KRT84: variants seen among roughly 807,000 people sequenced by gnomAD.
The protein encoded by KRT84 is keratin, type II cuticular Hb4.
In KRT84, 38 loss-of-function variants were observed where a neutral mutation model predicts 49.0. The ratio of observed to expected loss-of-function variants is 0.78; its 90% CI spans 0.60 to 1.02. The LOEUF is 1.02. KRT84 is among the 50% of genes least tolerant of loss of function. KRT84 has a pLI of 0.00. For synonymous variants in KRT84, 334 were observed against 312.8 expected, an observed-to-expected ratio of 1.07 and a Z score of -0.72; for missense variants, 860 against 788.6, an observed-to-expected ratio of 1.09 and a Z score of -1.08.
At chr12:52,381,265 C>T (rs764603893) in intron 5 of KRT84, 60 bp from the exon 6 acceptor site, 40 of 1,609,792 alleles carry the variant, frequency 2.5e-5, no homozygotes, top group African/African-American at 8.0e-5. Flanking sequence ...ACAGCCCCCA[C>T]TGAGTTGGGG....
At chr12:52,379,817 G>A in intron 8 of KRT84, 59 bp downstream of exon 8, 1 of 1,443,390 alleles carries the variant, frequency 6.9e-7, no homozygotes, top group Admixed American at 1.7e-5. Flanking sequence ...GTGAGCCTGA[G>A]TTTAAAGGAA....
chr12:52,385,659 A>G, upstream of KRT84: 1 of 1,417,408 alleles, frequency 7.1e-7, no homozygotes, highest in Non-Finnish European at 9.7e-7. Context: ...CTCTGAGGCC[A>G]GTGGAACCCT....
In KRT84 at chr12:52,381,220, G is replaced by A. The variant is rs1939476945; in HGVS notation, c.1078-15C>T. On this transcript the variant is annotated splice_polypyrimidine_tract_variant and intron_variant, in intron 5 of 8. Coordinates refer to ENST00000257951, the MANE Select transcript of KRT84 (RefSeq NM_033045.4). ...ATCTCTTCATACTGCGGAGAGAGGA[G>A]GGTATTTTGAGGGTTCGGAGGTCAG... 1.2e-6 allele frequency: 2 copies of A among 1,614,004 alleles called. No homozygotes were observed. Among genetic ancestry groups the A allele is most frequent in the Non-Finnish European group, 1.7e-6 (2 of 1,179,922 alleles).
Position 52,385,072 on chromosome 12 carries a change from G to GGGTCTTGA in KRT84, c.506_513dup (p.Leu172SerfsTer18). 1 of 1,607,964 alleles carries GGGTCTTGA rather than the reference G, an allele frequency of 6.2e-7. No individual in the cohort carries two copies. The stretch of plus-strand genomic sequence containing the variant: ...ATGAAGGAGGCAAACTTGTTGTTGA[G>GGGTCTTGA]GGTCTTGATTTGCTCCTTCTCATCC... On this transcript the variant is annotated frameshift_variant, in exon 1 of 9. Coordinates refer to ENST00000257951, the MANE Select transcript of KRT84 (RefSeq NM_033045.4). LOFTEE classifies it high-confidence loss of function.
In KRT84 at chr12:52,385,517, C is replaced by A. The variant is rs530318002; in HGVS notation, c.69G>T (p.Met23Ile). Residue 23 changes from methionine (M) to isoleucine (I), a missense_variant, in exon 1 of 9, where the codon ATG becomes ATT. Physicochemically the swap from Met to Ile is conservative, Grantham distance 10. Transcript: ENST00000257951. The stretch of plus-strand genomic sequence containing the variant: ...GGAAGCGATTCAGGTTCTGTGGTGT[C>A]ATTGCTGAACAAGAGCTGAAGTTGC... Reference protein sequence around the residue: ...RVGNFSSCSAMTPQNLNRFRA... With the variant: ...RVGNFSSCSAITPQNLNRFRA... The A allele has an allele frequency of 3.0e-5, 48 of 1,614,180 alleles. No homozygotes were observed. The South Asian group carries it at 4.5e-4, about 15-fold the overall frequency.
Position 52,381,508 on chromosome 12 carries a change from C to T in KRT84, c.930G>A (p.Gln310=). The T allele has an allele frequency of 3.1e-6, 5 of 1,614,038 alleles. No homozygotes were observed. The highest frequency in any genetic ancestry group is 1.3e-5 in the African/African-American group (1 of 75,044). Reference sequence around the variant, plus strand: ...TGACCGACGTCTCTGAGATGTGCGACTGCAGCAACTGGATTTCCTGTGTTG... The same window carrying T: ...TGACCGACGTCTCTGAGATGTGCGATTGCAGCAACTGGATTTCCTGTGTTG... ...TLYMEEIQLL[Q]SHISETSVIV... Residue 310 remains glutamine (Q), a synonymous_variant, in exon 5 of 9, where the codon CAG becomes CAA. Transcript: ENST00000257951.
chr12:52,380,292 C>G (rs1939457855), intron 7 of KRT84, 71 bp downstream of exon 7: 1 of 1,557,426 alleles, frequency 6.4e-7, no homozygotes, highest in South Asian at 1.1e-5. Flanking sequence ...CTTCACTGTC[C>G]CCTTCTCTTC....
In KRT84 at chr12:52,382,496, C is replaced by T. The variant is rs752558350; in HGVS notation, c.853G>A (p.Glu285Lys). 7.4e-6 allele frequency: 12 copies of T among 1,614,068 alleles called. No individual in the cohort carries two copies. The highest frequency in any genetic ancestry group is 4.5e-5 in the East Asian group (2 of 44,890). The change falls in exon 4 of 9, where the codon GAG becomes AAG. Residue 285 changes from glutamate (E) to lysine (K), a missense_variant. Coordinates refer to ENST00000257951, the MANE Select transcript of KRT84 (RefSeq NM_033045.4). ...DAAFMNKSDLEANVDTLTQEI... is the reference protein window; with the variant it reads ...DAAFMNKSDLKANVDTLTQEI... ...TGAGTTAGGGTATCCACGTTGGCCT[C>T]GAGATCAGACTTGTTCATGAAAGCT...
intron 7 of KRT84, 91 bp from the exon 8 acceptor site, chr12:52,379,998 T>C: frequency 8.9e-7 from 1 of 1,126,662 alleles, no homozygotes; most frequent in East Asian, 2.5e-5. Context: ...TTTGAGTAGA[T>C]CTGTGGAGCA....
chr12:52,378,610 TCATC>T (rs561254207), intron 8 of KRT84, among the ~76,000 whole-genome samples: 1 of 152,238 alleles, frequency 6.6e-6, no homozygotes, highest in Admixed American at 6.5e-5. Flanking sequence ...AATGACGACT[TCATC>T]CAATTCCCCA....
chr12:52,380,285 C>T, intron 7 of KRT84, 78 bp downstream of exon 7: 1 of 1,533,312 alleles, frequency 6.5e-7, no homozygotes. Context: ...TGCAGTTCTT[C>T]ACTGTCCCCT....
At chr12:52,382,895 A>G (rs1732297) in intron 3 of KRT84, 110 bp downstream of exon 3, 658,246 of 841,804 alleles carry the variant, frequency 0.78, 258,873 homozygotes, top group African/African-American at 0.93. Flanking sequence ...CACTGTCTTG[A>G]TGTGAGTAGT....
At chr12:52,383,512 C>A in intron 2 of KRT84, 78 bp downstream of exon 2, 1 of 1,244,834 alleles carries the variant, frequency 8.0e-7, no homozygotes, top group South Asian at 1.4e-5. Context: ...CTTCCAGCTG[C>A]TCTCATCTGA....
Position 52,385,093 on chromosome 12 carries a change from C to A in KRT84, c.493G>T (p.Glu165Ter). 2 of 1,605,070 alleles carry A rather than the reference C, an allele frequency of 1.2e-6. No homozygotes were observed. The highest frequency in any genetic ancestry group is 1.7e-6 in the Non-Finnish European group (2 of 1,175,726). Residue 165 changes from glutamate to a stop codon, truncating the protein, a stop_gained, in exon 1 of 9, where the codon GAG (glutamate) becomes TAG (stop). Transcript: ENST00000257951. LOFTEE classifies it high-confidence loss of function. Reference protein sequence around the residue: ...DPNAQRVKKDEKEQIKTLNNK... With the variant: ...DPNAQRVKKD ...TTGAGGGTCTTGATTTGCTCCTTCT[C>A]ATCCTTCTTCACCCTCTGGGCATTG...
intron 8 of KRT84, 132 bp from the exon 9 acceptor site, chr12:52,378,512 C>T: frequency 1.6e-6 from 1 of 619,590 alleles, no homozygotes; most frequent in Non-Finnish European, 2.6e-6. Flanking sequence ...GGAAGTGGTC[C>T]CTATTGTCTA....
intron 4 of KRT84, among the ~76,000 whole-genome samples, chr12:52,381,875 C>G (rs928659187): frequency 6.6e-6 from 1 of 152,176 alleles, no homozygotes. Context: ...TGGTCACAGA[C>G]CGTTGAGACC....
At chr12:52,380,752 A>C in intron 6 of KRT84, 169 bp from the exon 7 acceptor site, 1 of 740,916 alleles carries the variant, frequency 1.3e-6, no homozygotes, top group Non-Finnish European at 2.1e-6. Flanking sequence ...TGATGTCACT[A>C]TGGGGTAGGG....
In KRT84 at chr12:52,383,681, G is replaced by C; in HGVS notation, c.664C>G (p.Arg222Gly). ...PLFESYITNL[R>G]RQLEVLVSDQ... Reference sequence around the variant, plus strand: ...CTGACCAGCACCTCCAACTGCCTCCGCAGGTTGGTGATGTAGCTCTCGAAG... The same window carrying C: ...CTGACCAGCACCTCCAACTGCCTCCCCAGGTTGGTGATGTAGCTCTCGAAG... Residue 222 changes from arginine (R) to glycine (G), a missense_variant, in exon 2 of 9, where the codon CGG becomes GGG. Coordinates refer to ENST00000257951, the MANE Select transcript of KRT84 (RefSeq NM_033045.4). 6.2e-7 allele frequency: 1 copy of C among 1,614,172 alleles called. No homozygotes were observed. Among genetic ancestry groups the C allele is most frequent in the Non-Finnish European group, 8.5e-7 (1 of 1,180,026 alleles).
Position 52,383,071 on chromosome 12 carries a change from G to A in KRT84, c.756-6C>T, listed in dbSNP as rs202069133. On this transcript the variant is annotated splice_region_variant and splice_polypyrimidine_tract_variant and intron_variant, in intron 2 of 8. Transcript: ENST00000257951. ...ATACCACTTCCTCTTCATACCTGAT[G>A]ATAAAGGTTAAGAGGGTGAGTGCTT... The A allele has an allele frequency of 2.6e-4, 419 of 1,612,900 alleles. No individual in the cohort carries two copies. Among genetic ancestry groups the A allele is most frequent in the Non-Finnish European group, 2.8e-4 (333 of 1,179,086 alleles).
Sources: allele counts gnomAD v4.1 joint callset (sites outside exome capture counted in the v4.1 genomes callset), GRCh38; gene constraint gnomAD v4.1.1; transcripts MANE v1.5; gene names NCBI Gene and HGNC (gene_info 2026-07-23, HGNC 2026-07-21).